LUZP2: variants seen among roughly 807,000 people sequenced by gnomAD.
LUZP2 encodes leucine zipper protein 2.
LUZP2 carries 52 observed loss-of-function variants against 51.6 expected under a neutral mutation model. The ratio of observed to expected loss-of-function variants is 1.01; its 90% CI spans 0.81 to 1.27. LUZP2 has a LOEUF of 1.27. Ranked by LOEUF, LUZP2 falls within the 50% of genes most tolerant of loss-of-function variation. LUZP2 has a pLI of 0.00. For synonymous variants in LUZP2, 154 were observed against 137.3 expected (o/e 1.12, Z -0.85); for missense variants, 436 against 395.4 (o/e 1.10, Z -0.87).
In LUZP2 at chr11:24,732,184, C is replaced by A. The variant is rs1240276789; in HGVS notation, c.247C>A (p.Gln83Lys). Residue 83 changes from glutamine to lysine, a missense_variant, in exon 3 of 12, where the codon CAA (glutamine) becomes AAA (lysine). Coordinates refer to ENST00000336930, the MANE Select transcript of LUZP2 (RefSeq NM_001009909.4). ...GAAACTTCTGGAATTAGGACAGAAA[C>A]AAAGGTAAGACTTTTCTTTTTTTCT... Reference protein sequence around the residue: ...VQKLLELGQKQREEMKSLQEA... With the variant: ...VQKLLELGQKKREEMKSLQEA... 4.4e-6 allele frequency: 7 copies of A among 1,604,746 alleles called. No homozygotes were observed. Among genetic ancestry groups the A allele is most frequent in the Non-Finnish European group, 6.0e-6 (7 of 1,174,366 alleles).
intron 1 of LUZP2, among the ~76,000 whole-genome samples, chr11:24,711,484 A>C (rs1857825683): frequency 7.3e-6 from 1 of 137,466 alleles, no homozygotes; most frequent in Non-Finnish European, 1.7e-5. Context: ...TAAATAAATA[A>C]ATAAATAAAG....
At chr11:24,559,433 G>A (rs1851966781) in intron 1 of LUZP2, among the ~76,000 whole-genome samples, 2 of 152,228 alleles carry the variant, frequency 1.3e-5, no homozygotes, top group Middle Eastern at 3.4e-3. Context: ...TAGATCTAGG[G>A]AGTTTTGAAA....
chr11:24,673,150 T>A (rs1856451309), intron 1 of LUZP2, among the ~76,000 whole-genome samples: 1 of 152,126 alleles, frequency 6.6e-6, no homozygotes, highest in Non-Finnish European at 1.5e-5. Flanking sequence ...CAATCCCTGG[T>A]GCCAAAAAGG....
At chr11:24,905,416 T>C (rs1853415902) in intron 5 of LUZP2, among the ~76,000 whole-genome samples, 1 of 152,048 alleles carries the variant, frequency 6.6e-6, no homozygotes, top group South Asian at 2.1e-4. Flanking sequence ...TAATCCCAGC[T>C]ACCTGAGAGG....
In LUZP2 at chr11:24,677,402, C is replaced by G. The variant is rs146132534; in HGVS notation, c.63-51767C>G. Reference sequence around the variant, plus strand: ...GTCTGACCTTCCAACTCATCTTGTGCTACTTCTGTCTTCGTGTAGGTATGG... The same window carrying G: ...GTCTGACCTTCCAACTCATCTTGTGGTACTTCTGTCTTCGTGTAGGTATGG... On this transcript the variant is annotated intron_variant, in intron 1 of 11. Coordinates refer to ENST00000336930, the MANE Select transcript of LUZP2 (RefSeq NM_001009909.4). 4.0e-3 allele frequency among the ~76,000 whole-genome samples: 608 copies of G among 152,322 alleles called. 4 individuals are homozygous for G. Among genetic ancestry groups the G allele is most frequent in the Non-Finnish European group, 7.1e-3 (482 of 68,034 alleles).
At chr11:24,846,554 T>C (rs1851205871) in intron 5 of LUZP2, among the ~76,000 whole-genome samples, 1 of 151,848 alleles carries the variant, frequency 6.6e-6, no homozygotes, top group Admixed American at 6.6e-5. Flanking sequence ...GAAAAAGAAA[T>C]GAAATAAAAT....
chr11:24,810,278 A>AT (rs1300591896), intron 5 of LUZP2, among the ~76,000 whole-genome samples: 3 of 152,254 alleles, frequency 2.0e-5, no homozygotes, highest in South Asian at 2.1e-4. Context: ...ATTACTGTGC[A>AT]TTTTTCCTGT....
At chr11:24,917,042 G>A (rs1853811315) in intron 7 of LUZP2, among the ~76,000 whole-genome samples, 2 of 152,118 alleles carry the variant, frequency 1.3e-5, no homozygotes, top group African/African-American at 4.8e-5. Context: ...GGTGTGAGAT[G>A]CTATCTCATT....
chr11:24,733,094 T>C (rs1858775474), intron 3 of LUZP2, among the ~76,000 whole-genome samples: 1 of 151,802 alleles, frequency 6.6e-6, no homozygotes, highest in African/African-American at 2.4e-5. Flanking sequence ...CTATATGTCC[T>C]CCATTGACCT....
At chr11:24,638,376 A>G (rs942563831) in intron 1 of LUZP2, among the ~76,000 whole-genome samples, 5 of 151,744 alleles carry the variant, frequency 3.3e-5, no homozygotes, top group African/African-American at 1.2e-4. Context: ...ATAACATTAT[A>G]TATTGACTAA....
chr11:24,729,551 G>T (rs1415081786), intron 2 of LUZP2, among the ~76,000 whole-genome samples: 1 of 151,842 alleles, frequency 6.6e-6, no homozygotes, highest in African/African-American at 2.4e-5. Context: ...TTTGACCCCT[G>T]TGTTTTTGGT....
chr11:24,548,350 C>T (rs879847807), intron 1 of LUZP2, among the ~76,000 whole-genome samples: 4 of 152,004 alleles, frequency 2.6e-5, no homozygotes, highest in Non-Finnish European at 5.9e-5. Context: ...TACATATATA[C>T]CATGGAATAC....
At chr11:24,537,429 T>C (rs1461065179) in intron 1 of LUZP2, among the ~76,000 whole-genome samples, 12 of 151,938 alleles carry the variant, frequency 7.9e-5, no homozygotes, top group African/African-American at 2.7e-4. Flanking sequence ...TAAATACAAC[T>C]CTCGAATCAC....
intron 5 of LUZP2, among the ~76,000 whole-genome samples, chr11:24,785,560 T>C (rs1201419090): frequency 6.6e-6 from 1 of 151,870 alleles, no homozygotes; most frequent in Non-Finnish European, 1.5e-5. Flanking sequence ...ATAATGACAA[T>C]ATAAATATAA....
intron 7 of LUZP2, among the ~76,000 whole-genome samples, chr11:24,947,927 G>A (rs948554558): frequency 6.6e-6 from 1 of 151,740 alleles, no homozygotes; most frequent in African/African-American, 2.4e-5. Flanking sequence ...ACTGTGATAT[G>A]TCTGAGCATC....
chr11:24,702,009 C>G (rs901563106), intron 1 of LUZP2, among the ~76,000 whole-genome samples: 11 of 152,198 alleles, frequency 7.2e-5, no homozygotes, highest in African/African-American at 2.7e-4. Context: ...CCATGGCTCT[C>G]CCAGTCAGAC....
chr11:24,572,014 C>T (rs1229480345), intron 1 of LUZP2, among the ~76,000 whole-genome samples: 1 of 151,868 alleles, frequency 6.6e-6, no homozygotes, highest in Non-Finnish European at 1.5e-5. Flanking sequence ...TGTACATTTT[C>T]ACTCTGGATT....
At chr11:24,645,016 T>C (rs1368214464) in intron 1 of LUZP2, among the ~76,000 whole-genome samples, 1 of 152,190 alleles carries the variant, frequency 6.6e-6, no homozygotes, top group Non-Finnish European at 1.5e-5. Flanking sequence ...GCCCTTTTTG[T>C]ATTTTTGTGT....
rs531714945 is a variant in LUZP2 at position 24,975,773 on chromosome 11, T to C, written c.523-818T>C. 2.0e-5 allele frequency among the ~76,000 whole-genome samples: 3 copies of C among 152,110 alleles called. No individual in the cohort carries two copies. The South Asian group carries it at 6.2e-4, about 32-fold the overall frequency. On this transcript the variant is annotated intron_variant, in intron 7 of 11. Transcript: ENST00000336930. Reference sequence around the variant, plus strand: ...TGAATTCCAAATCTGAAGGTACTGCTTTTTTATTCTAATAGCACAATAATG... The same window carrying C: ...TGAATTCCAAATCTGAAGGTACTGCCTTTTTATTCTAATAGCACAATAATG...
Sources: gnomAD v4.1 joint callset for allele counts (sites outside exome capture counted in the v4.1 genomes callset) on GRCh38, gnomAD v4.1.1 for gene constraint, MANE v1.5 for transcripts, NCBI Gene and HGNC (gene_info 2026-07-23, HGNC 2026-07-21) for gene names.